Variants in HTR1F observed in about 807,000 individuals in gnomAD.
The protein encoded by HTR1F is 5-hydroxytryptamine receptor 1F.
In HTR1F, 17 loss-of-function variants were observed where a neutral mutation model predicts 24.0. That is an observed-to-expected ratio of 0.71 (90% CI 0.48 to 1.06). The LOEUF is 1.06. HTR1F is among the 50% of genes least tolerant of loss of function. HTR1F has a pLI of 0.00. For missense variants in HTR1F, 391 were observed against 427.8 expected, an observed-to-expected ratio of 0.91 and a Z score of 0.76; for synonymous variants, 186 against 156.8, an observed-to-expected ratio of 1.19 and a Z score of -1.39.
At chr3:87,945,015 TG>T (rs1003941665) in intron 2 of HTR1F, among the ~76,000 whole-genome samples, 1 of 149,264 alleles carries the variant, frequency 6.7e-6, no homozygotes, top group African/African-American at 2.5e-5. Context: ...TAGGGCACAC[TG>T]GTTGTTTTGT....
intron 2 of HTR1F, among the ~76,000 whole-genome samples, chr3:87,849,885 A>T (rs1705041279): frequency 1.3e-5 from 2 of 152,080 alleles, no homozygotes; most frequent in African/African-American, 4.8e-5. Flanking sequence ...CATCAGAGAA[A>T]TGTAAATCAA....
chr3:87,935,883 C>T (rs959337200), intron 2 of HTR1F, among the ~76,000 whole-genome samples: 1 of 151,784 alleles, frequency 6.6e-6, no homozygotes, highest in Non-Finnish European at 1.5e-5. Flanking sequence ...TGGAGTCTCG[C>T]TCTGTCACCC....
chr3:87,842,800 G>C (rs1704837743), intron 2 of HTR1F, among the ~76,000 whole-genome samples: 1 of 151,882 alleles, frequency 6.6e-6, no homozygotes, highest in Non-Finnish European at 1.5e-5. Flanking sequence ...TTCATTTCTA[G>C]TATGTGAGGA....
chr3:87,848,875 A>C (rs1705011234), intron 2 of HTR1F, among the ~76,000 whole-genome samples: 1 of 151,652 alleles, frequency 6.6e-6, no homozygotes, highest in African/African-American at 2.4e-5. Flanking sequence ...AAAGAGAATA[A>C]AATACCTAGG....
At chr3:87,954,390 TATA>T (rs1704899874) in intron 2 of HTR1F, among the ~76,000 whole-genome samples, 1 of 151,772 alleles carries the variant, frequency 6.6e-6, no homozygotes, top group Non-Finnish European at 1.5e-5. Context: ...TAAAGAGATG[TATA>T]ATATTAGTAG....
intron 2 of HTR1F, among the ~76,000 whole-genome samples, chr3:87,931,279 A>G (rs1195881151): frequency 4.6e-5 from 7 of 151,244 alleles, no homozygotes; most frequent in Non-Finnish European, 8.8e-5. Flanking sequence ...ATTCCCATCT[A>G]TGAGTGAGAA....
intron 2 of HTR1F, among the ~76,000 whole-genome samples, chr3:87,841,443 C>A (rs1704800393): frequency 6.6e-6 from 1 of 151,678 alleles, no homozygotes; most frequent in Non-Finnish European, 1.5e-5. Context: ...TTAACAGGAA[C>A]TAAAATATTA....
intron 2 of HTR1F, among the ~76,000 whole-genome samples, chr3:87,919,004 C>T (rs142667811): frequency 2.1e-3 from 322 of 152,170 alleles, no homozygotes; most frequent in African/African-American, 7.3e-3. Flanking sequence ...ACCAAAACAG[C>T]GTGGTACTGG....
intron 2 of HTR1F, among the ~76,000 whole-genome samples, chr3:87,932,680 A>G (rs1341773932): frequency 3.9e-5 from 6 of 152,032 alleles, no homozygotes. Context: ...GAATAGACTA[A>G]TAACAGGATC....
intron 2 of HTR1F, among the ~76,000 whole-genome samples, chr3:87,917,726 T>C (rs1703926710): frequency 7.1e-6 from 1 of 141,658 alleles, no homozygotes; most frequent in Admixed American, 7.0e-5. Flanking sequence ...AATTCAAGAA[T>C]TAACAACAAT....
intron 2 of HTR1F, among the ~76,000 whole-genome samples, chr3:87,924,111 G>T (rs1704071810): frequency 1.3e-5 from 2 of 152,010 alleles, no homozygotes; most frequent in African/African-American, 4.8e-5. Context: ...CAGCAATAAA[G>T]CCATTTGGTC....
intron 1 of HTR1F, among the ~76,000 whole-genome samples, chr3:87,800,618 A>G (rs1414804728): frequency 6.6e-6 from 1 of 152,154 alleles, no homozygotes; most frequent in Non-Finnish European, 1.5e-5. Flanking sequence ...AGTCTTTTCC[A>G]TCTCTGTATC....
intron 2 of HTR1F, among the ~76,000 whole-genome samples, chr3:87,919,210 T>C (rs1453664558): frequency 2.6e-5 from 4 of 152,122 alleles, no homozygotes; most frequent in South Asian, 2.1e-4. Context: ...TCTCACCTTA[T>C]ATAAAAATCA....
intron 2 of HTR1F, among the ~76,000 whole-genome samples, chr3:87,832,635 C>T (rs1227845166): frequency 6.6e-6 from 1 of 152,044 alleles, no homozygotes; most frequent in Admixed American, 6.5e-5. Flanking sequence ...GCCAGAATAC[C>T]CCTTCTTGTA....
intron 2 of HTR1F, among the ~76,000 whole-genome samples, chr3:87,831,865 T>C (rs1221292819): frequency 1.3e-5 from 2 of 152,242 alleles, no homozygotes; most frequent in South Asian, 2.1e-4. Context: ...GTTTATTTTA[T>C]ATTTTTATGA....
intron 2 of HTR1F, among the ~76,000 whole-genome samples, chr3:87,988,211 A>G (rs1384565365): frequency 2.0e-5 from 3 of 152,076 alleles, no homozygotes; most frequent in African/African-American, 4.8e-5. Flanking sequence ...GAGGCACTCC[A>G]AATTCAAGAA....
At chr3:87,879,252 A>G (rs150840152) in intron 2 of HTR1F, among the ~76,000 whole-genome samples, 12 of 152,212 alleles carry the variant, frequency 7.9e-5, no homozygotes, top group Admixed American at 5.9e-4. Flanking sequence ...TATTGCAATA[A>G]AAATTTAAAA....
intron 2 of HTR1F, among the ~76,000 whole-genome samples, chr3:87,919,724 G>T (rs1333557839): frequency 6.6e-6 from 1 of 151,988 alleles, no homozygotes. Flanking sequence ...AATAGTAGAT[G>T]TTGGCGTGGA....
At chr3:87,885,176 G>A (rs1038744593) in intron 2 of HTR1F, among the ~76,000 whole-genome samples, 18 of 152,108 alleles carry the variant, frequency 1.2e-4, no homozygotes, top group Non-Finnish European at 2.1e-4. Flanking sequence ...TAGAACTCAG[G>A]ATTAAGAAAC....
Sources: allele counts gnomAD v4.1 joint callset (sites outside exome capture counted in the v4.1 genomes callset), GRCh38; gene constraint gnomAD v4.1.1; transcripts MANE v1.5; gene names NCBI Gene and HGNC (gene_info 2026-07-23, HGNC 2026-07-21).